The following LEPR variants were observed in gnomAD, a reference collection of about 807,000 sequenced individuals.
LEPR encodes the protein leptin receptor, also known as OB receptor.
Under a neutral mutation model 114.7 loss-of-function variants are expected in LEPR, and 56 were observed. The ratio of observed to expected loss-of-function variants is 0.49; its 90% CI spans 0.39 to 0.61. The LOEUF is 0.61. Ranked by LOEUF, LEPR falls within the 20% of genes least tolerant of loss-of-function variation. The pLI is 0.00. For missense variants in LEPR, 1,202 were observed against 1,352.9 expected, an observed-to-expected ratio of 0.89 and a Z score of 1.75; for synonymous variants, 443 against 461.4, an observed-to-expected ratio of 0.96 and a Z score of 0.51.
Position 65,466,694 on chromosome 1 carries a change from T to C in LEPR, c.-21+41316T>C, listed in dbSNP as rs551863199. On this transcript the variant is annotated intron_variant, in intron 2 of 19. Coordinates refer to ENST00000349533, the MANE Select transcript of LEPR (RefSeq NM_002303.6). ...ATGTAGATTTGGTCTTTTCACATAG[T>C]CCCATATTTCTTGGAGGCTTTGTTC... Among the ~76,000 whole-genome samples, 8 of 152,340 alleles carry C rather than the reference T, an allele frequency of 5.3e-5. No homozygotes were observed. The South Asian group carries it at 1.7e-3, about 32-fold the overall frequency.
Position 65,637,274 on chromosome 1 carries a change from TA to T in LEPR, c.*261del, listed in dbSNP as rs1658751045. The stretch of plus-strand genomic sequence containing the variant: ...AAGGTCCCTTGTTTCCAGCTAGAAA[TA>T]AGCCCAACAGACACCATCTTTTGTG... On this transcript the variant is annotated 3_prime_UTR_variant, in exon 20 of 20. Coordinates refer to ENST00000349533, the MANE Select transcript of LEPR (RefSeq NM_002303.6). 6 of 373,754 alleles carry T rather than the reference TA, an allele frequency of 1.6e-5. No individual in the cohort carries two copies. In the South Asian group the frequency reaches 2.5e-4, roughly 15 times the overall value. 23.2% of individuals were successfully genotyped at this position (373,754 alleles called of 1,614,324 possible). A position where few individuals can be genotyped will look rare whatever the true frequency, so the allele number is the denominator to read the frequency against.
At chr1:65,420,655 G>C (rs1375423816), upstream of LEPR, 1 of 1,541,214 alleles carries the variant, frequency 6.5e-7, no homozygotes, top group Non-Finnish European at 8.8e-7. Context: ...GCGACTCCCG[G>C]TCTGGCTTGG....
chr1:65,434,904 C>A, intron 2 of LEPR: 1 of 985,460 alleles, frequency 1.0e-6, no homozygotes, highest in Non-Finnish European at 1.2e-6. Context: ...GCAGATCACA[C>A]TTCATCACAG....
intron 1 of LEPR, among the ~76,000 whole-genome samples, chr1:65,422,043 G>A (rs2101666894): frequency 6.6e-6 from 1 of 152,268 alleles, no homozygotes; most frequent in Non-Finnish European, 1.5e-5. Context: ...GTTTATGTTG[G>A]GCTCAGATGC....
intron 2 of LEPR, among the ~76,000 whole-genome samples, chr1:65,478,994 C>T (rs918195404): frequency 4.6e-5 from 7 of 152,144 alleles, no homozygotes; most frequent in Non-Finnish European, 1.0e-4. Context: ...ATACTTGTCC[C>T]AGGTCCAGTT....
chr1:65,547,048 G>A (rs944024871), intron 2 of LEPR, among the ~76,000 whole-genome samples: 1 of 152,020 alleles, frequency 6.6e-6, no homozygotes, highest in Non-Finnish European at 1.5e-5. Context: ...GGCCTTTTCT[G>A]CATCTATTGA....
At chr1:65,551,547 G>A (rs1469045726) in intron 2 of LEPR, among the ~76,000 whole-genome samples, 1 of 152,154 alleles carries the variant, frequency 6.6e-6, no homozygotes, top group East Asian at 1.9e-4. Flanking sequence ...TGTGGGATCA[G>A]TGGTGATATA....
intron 2 of LEPR, among the ~76,000 whole-genome samples, chr1:65,518,828 C>G (rs777256353): frequency 3.9e-5 from 6 of 151,922 alleles, no homozygotes; most frequent in Non-Finnish European, 8.8e-5. Context: ...TCACTAGCAG[C>G]CAGCTTTTTT....
chr1:65,492,067 G>A (rs1437963925), intron 2 of LEPR, among the ~76,000 whole-genome samples: 1 of 151,972 alleles, frequency 6.6e-6, no homozygotes, highest in African/African-American at 2.4e-5. Context: ...ACAATTTCTT[G>A]TGCTCCTTTC....
intron 2 of LEPR, among the ~76,000 whole-genome samples, chr1:65,544,964 A>C (rs1165608194): frequency 7.3e-4 from 91 of 123,980 alleles, no homozygotes; most frequent in Admixed American, 1.3e-3. Flanking sequence ...CACTCCCCCC[A>C]CCCCACAACA....
At chr1:65,429,374 A>G (rs866010657) in intron 2 of LEPR, among the ~76,000 whole-genome samples, 1 of 152,144 alleles carries the variant, frequency 6.6e-6, no homozygotes, top group Non-Finnish European at 1.5e-5. Context: ...ATGAAGGGAA[A>G]AGAGTACAAA....
Position 65,598,095 on chromosome 1 carries a change from C to CTTTTTTTTTTTTTTTTTTTTTTT in LEPR, c.850-545_850-544insTTTTTTTTTTTTTTTTTTTTTTT, listed in dbSNP as rs1226626771. ...CTAGGCTCAAGTGATCCTCCTGCCT[C>CTTTTTTTTTTTTTTTTTTTTTTT]TTTTTTTTTTTTTTTTTTTTAAGAG... is the stretch of plus-strand genomic sequence containing the variant. On this transcript the variant is annotated intron_variant, in intron 7 of 19. Transcript: ENST00000349533. Among the ~76,000 whole-genome samples the CTTTTTTTTTTTTTTTTTTTTTTT allele has an allele frequency of 2.0e-5, 2 of 101,482 alleles. 1 individual carries two copies. Among genetic ancestry groups the CTTTTTTTTTTTTTTTTTTTTTTT allele is most frequent in the African/African-American group, 8.8e-5 (2 of 22,650 alleles). The allele number at this position is 101,482 out of a possible 152,430, so 66.6% of individuals were successfully genotyped here. A position where few individuals can be genotyped will look rare whatever the true frequency, so the allele number is the denominator to read the frequency against.
chr1:65,450,490 T>C (rs931141265), intron 2 of LEPR, among the ~76,000 whole-genome samples: 1 of 143,014 alleles, frequency 7.0e-6, no homozygotes, highest in Non-Finnish European at 1.5e-5. Context: ...TGTGTTCTCA[T>C]TGTTCAATTC....
chr1:65,539,705 C>T (rs1476432477), intron 2 of LEPR, among the ~76,000 whole-genome samples: 2 of 152,208 alleles, frequency 1.3e-5, no homozygotes, highest in South Asian at 4.1e-4. Flanking sequence ...TCCCAAGCTT[C>T]CTGGCAGTCT....
intron 1 of LEPR, chr1:65,421,420 C>T: frequency 1.3e-6 from 2 of 1,535,998 alleles, no homozygotes; most frequent in Non-Finnish European, 1.7e-6. Context: ...CAGAGCAATG[C>T]GAGACGGAAA....
intron 2 of LEPR, chr1:65,525,805 A>G: frequency 1.0e-6 from 1 of 985,756 alleles, no homozygotes; most frequent in South Asian, 4.7e-5. Flanking sequence ...GTCGAGTTGG[A>G]CCCCCGGATC....
chr1:65,465,703 G>T (rs775291144), intron 2 of LEPR, among the ~76,000 whole-genome samples: 2 of 152,168 alleles, frequency 1.3e-5, no homozygotes, highest in Non-Finnish European at 1.5e-5. Flanking sequence ...ATGAATCTGG[G>T]TGCTCCTGTG....
chr1:65,596,469 G>T lies in LEPR; in HGVS notation c.725G>T (p.Gly242Val). 6.2e-7 allele frequency: 1 copy of T among 1,612,488 alleles called. No individual in the cohort carries two copies. Among genetic ancestry groups the T allele is most frequent in the Non-Finnish European group, 8.5e-7 (1 of 1,179,118 alleles). Residue 242 changes from glycine to valine, a missense_variant, in exon 7 of 20, where the codon GGT (glycine) becomes GTT (valine). Transcript: ENST00000349533. Reference sequence around the variant, plus strand: ...TAAGTGAAGCCTGATCCACCATTAGGTTTGCATATGGAAATCACAGATGAT... The same window carrying T: ...TAAGTGAAGCCTGATCCACCATTAGTTTTGCATATGGAAATCACAGATGAT... ...INMVKPDPPL[G>V]LHMEITDDGN... is the part of the protein sequence containing the mutation.
intron 2 of LEPR, among the ~76,000 whole-genome samples, chr1:65,491,880 T>C (rs1354419326): frequency 6.6e-6 from 1 of 152,128 alleles, no homozygotes; most frequent in Non-Finnish European, 1.5e-5. Flanking sequence ...TCTACTTAAT[T>C]AGCTTTTGTC....
Sources: gnomAD v4.1 joint callset for allele counts (sites outside exome capture counted in the v4.1 genomes callset) on GRCh38, gnomAD v4.1.1 for gene constraint, MANE v1.5 for transcripts, NCBI Gene and HGNC (gene_info 2026-07-23, HGNC 2026-07-21) for gene names.